The following FLT3 variants were observed in gnomAD, a reference collection of about 807,000 sequenced individuals.
FLT3 encodes the protein receptor-type tyrosine-protein kinase FLT3.
A neutral mutation model predicts 126.6 loss-of-function variants in FLT3; 46 were observed. That is an observed-to-expected ratio of 0.36 (90% CI 0.29 to 0.46). FLT3 has a LOEUF of 0.46. Among genes scored for constraint, FLT3 ranks in the 20% least tolerant of loss-of-function variants. The pLI is 1.00. For missense variants in FLT3, 1,069 were observed against 1,190.3 expected (o/e 0.90, Z 1.50); for synonymous variants, 404 against 434.4 (o/e 0.93, Z 0.87).
chr13:28,033,267 G>A (rs1477646919), intron 15 of FLT3, among the ~76,000 whole-genome samples: 1 of 150,700 alleles, frequency 6.6e-6, no homozygotes, highest in Non-Finnish European at 1.5e-5. Flanking sequence ...CAGCACTCTA[G>A]CCTGGGTAAC....
chr13:28,085,403 C>T (rs1878613667), intron 1 of FLT3, among the ~76,000 whole-genome samples: 4 of 150,048 alleles, frequency 2.7e-5, no homozygotes, highest in Middle Eastern at 3.4e-3. Context: ...ACTACTGTGA[C>T]TATTGTTAGG....
Position 28,037,226 on chromosome 13 carries a change from T to A in FLT3, c.1268A>T (p.Asp423Val), listed in dbSNP as rs753870201. 1 of 1,611,276 alleles carries A rather than the reference T, an allele frequency of 6.2e-7. No individual in the cohort carries two copies. The highest frequency in any genetic ancestry group is 1.1e-5 in the South Asian group (1 of 91,018). The change falls in exon 10 of 24, where the codon GAT becomes GTT. Residue 423 changes from aspartate (D) to valine (V), a missense_variant. Coordinates refer to ENST00000241453, the MANE Select transcript of FLT3 (RefSeq NM_004119.3). ...GAACATTTTGGTAAATTGGGCATCA[T>A]CATTTTCTGCATGGAATATATATTC... Reference protein sequence around the residue: ...PGEYIFHAENDDAQFTKMFTL... With the variant: ...PGEYIFHAENVDAQFTKMFTL...
intron 9 of FLT3, among the ~76,000 whole-genome samples, chr13:28,040,127 C>T (rs17815013): frequency 0.11 from 17,337 of 152,178 alleles, 1,228 homozygotes; most frequent in Middle Eastern, 0.17. Context: ...CTGTTTGTGA[C>T]GGAAATTGAG....
intron 1 of FLT3, among the ~76,000 whole-genome samples, chr13:28,079,515 T>C (rs1878182940): frequency 1.3e-5 from 2 of 152,132 alleles, no homozygotes; most frequent in South Asian, 4.1e-4. Context: ...ACCAATTTAC[T>C]GTATTAGTCT....
At chr13:28,077,981 C>T (rs868432385) in intron 1 of FLT3, among the ~76,000 whole-genome samples, 3 of 152,218 alleles carry the variant, frequency 2.0e-5, no homozygotes, top group Non-Finnish European at 2.9e-5. Context: ...ACATCCAGGG[C>T]ATGCTGATGC....
intron 1 of FLT3, among the ~76,000 whole-genome samples, chr13:28,091,377 A>G (rs1323459989): frequency 1.6e-4 from 23 of 146,310 alleles, no homozygotes; most frequent in East Asian, 4.0e-4. Flanking sequence ...GCCCGCCACC[A>G]CGCCCGGCTA....
At chr13:28,056,209 CCCA>C (rs758560341) in intron 4 of FLT3, among the ~76,000 whole-genome samples, 1 of 152,098 alleles carries the variant, frequency 6.6e-6, no homozygotes, top group Admixed American at 6.6e-5. Context: ...TCCAGCTGTG[CCCA>C]CCACCACACC....
At chr13:28,027,444 T>C (rs951986863) in intron 16 of FLT3, among the ~76,000 whole-genome samples, 5 of 152,234 alleles carry the variant, frequency 3.3e-5, no homozygotes, top group African/African-American at 1.2e-4. Context: ...CAGCATCTTC[T>C]TGACATTCTC....
chr13:28,081,844 CTT>C (rs35243277), intron 1 of FLT3, among the ~76,000 whole-genome samples: 103 of 64,910 alleles, frequency 1.6e-3, no homozygotes, highest in African/African-American at 4.8e-3. Context: ...TACTTTGATT[CTT>C]TTTTTTTTTT....
At chr13:28,025,717 G>T (rs550871979) in intron 17 of FLT3, among the ~76,000 whole-genome samples, 1 of 152,190 alleles carries the variant, frequency 6.6e-6, no homozygotes, top group Non-Finnish European at 1.5e-5. Flanking sequence ...TAGCCCCTCT[G>T]TTCCAGAATA....
chr13:28,011,050 G>A (rs1286231806), intron 23 of FLT3, among the ~76,000 whole-genome samples: 4 of 151,514 alleles, frequency 2.6e-5, no homozygotes, highest in Non-Finnish European at 4.4e-5. Flanking sequence ...GGTGGCTCAC[G>A]CCTGTAATCT....
intron 23 of FLT3, among the ~76,000 whole-genome samples, chr13:28,004,718 T>C (rs1024834994): frequency 2.6e-5 from 4 of 152,220 alleles, no homozygotes; most frequent in African/African-American, 9.6e-5. Context: ...ATATTCTATA[T>C]AACTAAAAAA....
intron 4 of FLT3, among the ~76,000 whole-genome samples, chr13:28,053,975 A>G (rs1225681587): frequency 2.6e-5 from 4 of 152,010 alleles, no homozygotes; most frequent in Admixed American, 6.6e-5. Context: ...TGGCCTCCCA[A>G]AGTGCTTGGA....
In FLT3 at chr13:28,027,144, A is replaced by G. The variant is rs1190475628; in HGVS notation, c.2151T>C (p.Ile717=). ...REKFHRTWTE[I]FKEHNFSFYP... ...AAAAACTGAAATTGTGTTCCTTGAA[A>G]ATCTCTGTCCAAGTCCTGTGAAATT... Residue 717 remains isoleucine, a synonymous_variant, in exon 17 of 24, where the codon ATT becomes ATC. Transcript: ENST00000241453. 5.6e-6 allele frequency: 9 copies of G among 1,613,926 alleles called. No individual in the cohort carries two copies.
At chr13:28,088,584 C>CA (rs1555262825) in intron 1 of FLT3, among the ~76,000 whole-genome samples, 6 of 103,360 alleles carry the variant, frequency 5.8e-5, no homozygotes, top group Non-Finnish European at 3.6e-5. Context: ...CATCCAAAAC[C>CA]TTTTTTTTTT....
intron 9 of FLT3, among the ~76,000 whole-genome samples, chr13:28,042,173 T>TAAC (rs1874445468): frequency 7.2e-6 from 1 of 138,720 alleles, no homozygotes; most frequent in Admixed American, 7.4e-5. Context: ...ATAATAATAA[T>TAAC]AATAATAATA....
At chr13:28,051,426 G>A (rs553364398) in intron 5 of FLT3, among the ~76,000 whole-genome samples, 10 of 151,678 alleles carry the variant, frequency 6.6e-5, no homozygotes, top group South Asian at 2.1e-4. Flanking sequence ...TAGTAGAGAC[G>A]GGGTTTGACC....
intron 3 of FLT3, among the ~76,000 whole-genome samples, chr13:28,059,671 G>T (rs1162338202): frequency 2.0e-5 from 3 of 152,016 alleles, no homozygotes; most frequent in Non-Finnish European, 4.4e-5. Context: ...TTTTTTTAAA[G>T]AATTTCTTGG....
chr13:28,076,707 T>A (rs1566100664), intron 1 of FLT3, among the ~76,000 whole-genome samples: 1 of 152,126 alleles, frequency 6.6e-6, no homozygotes. Flanking sequence ...GTGGGAGGAT[T>A]GCTTGAGCCC....
Sources: allele counts gnomAD v4.1 joint callset (sites outside exome capture counted in the v4.1 genomes callset), GRCh38; gene constraint gnomAD v4.1.1; transcripts MANE v1.5; gene names NCBI Gene and HGNC (gene_info 2026-07-23, HGNC 2026-07-21).